Variants in MCU observed in about 807,000 individuals in gnomAD.
MCU encodes the protein mitochondrial calcium uniporter.
In MCU, 12 loss-of-function variants were observed where a neutral mutation model predicts 45.2. The observed-to-expected ratio is 0.27, with a 90% CI of 0.17 to 0.43. The LOEUF is 0.43. Among genes scored for constraint, MCU ranks in the 20% least tolerant of loss-of-function variants. The pLI is 1.00. For missense variants in MCU, 324 were observed against 436.7 expected (o/e 0.74, Z 2.30); for synonymous variants, 160 against 165.1 (o/e 0.97, Z 0.24).
chr10:72,863,467 G>A (rs1472042409), intron 4 of MCU, among the ~76,000 whole-genome samples: 1 of 152,176 alleles, frequency 6.6e-6, no homozygotes, highest in African/African-American at 2.4e-5. Context: ...TCCTTAAATA[G>A]AATGGAAAGA....
At chr10:72,761,628 A>G (rs1177230200) in intron 1 of MCU, among the ~76,000 whole-genome samples, 2 of 152,166 alleles carry the variant, frequency 1.3e-5, no homozygotes, top group Non-Finnish European at 2.9e-5. Flanking sequence ...ATATATGTTG[A>G]TGTAAGACAT....
intron 4 of MCU, chr10:72,861,880 C>T (rs538064959): frequency 7.0e-6 from 2 of 286,950 alleles, no homozygotes; most frequent in Admixed American, 1.0e-4. Flanking sequence ...TAAATAAAGA[C>T]AGAGTCAGTA....
rs562215627 is a variant in MCU at position 72,729,213 on chromosome 10, C to T, written c.150+36912C>T. Among the ~76,000 whole-genome samples the T allele has an allele frequency of 2.0e-5, 3 of 152,210 alleles. No individual in the cohort carries two copies. The South Asian group carries it at 6.2e-4, about 32-fold the overall frequency. On this transcript the variant is annotated intron_variant, in intron 1 of 7. Coordinates refer to ENST00000373053, the MANE Select transcript of MCU (RefSeq NM_138357.3). ...GCTGCGGTGGTTCATGCCTGTAATC[C>T]CAGCACTTTGGGAAGCCAAGGCGGG... is the stretch of plus-strand genomic sequence containing the variant.
chr10:72,812,403 C>T (rs1844558563), intron 1 of MCU, among the ~76,000 whole-genome samples: 1 of 152,212 alleles, frequency 6.6e-6, no homozygotes, highest in South Asian at 2.1e-4. Flanking sequence ...GCCTCGGCTT[C>T]CCAAAGTGCT....
chr10:72,778,166 A>G (rs1308343447), intron 1 of MCU, among the ~76,000 whole-genome samples: 1 of 152,232 alleles, frequency 6.6e-6, no homozygotes, highest in Non-Finnish European at 1.5e-5. Flanking sequence ...CAGCAATTTC[A>G]CTACTGGGTA....
chr10:72,797,938 TA>T (rs1844276621), intron 1 of MCU, among the ~76,000 whole-genome samples: 8 of 152,196 alleles, frequency 5.3e-5, no homozygotes, highest in Admixed American at 3.9e-4. Context: ...TCATACCTCT[TA>T]GGGGGCAGTT....
At chr10:72,696,417 G>A (rs1000562580) in intron 1 of MCU, among the ~76,000 whole-genome samples, 2 of 151,810 alleles carry the variant, frequency 1.3e-5, no homozygotes, top group African/African-American at 4.8e-5. Flanking sequence ...GATACTTTCA[G>A]GGATAATTTC....
At position 72,736,838 on chromosome 10, in the gene MCU, A is replaced by G. The variant is rs115337243; in HGVS notation, c.150+44537A>G. Among the ~76,000 whole-genome samples, 850 of 152,312 alleles carry G rather than the reference A, an allele frequency of 5.6e-3. 7 individuals are homozygous for G. Among genetic ancestry groups the G allele is most frequent in the African/African-American group, 0.019 (796 of 41,556 alleles). Reference sequence around the variant, plus strand: ...CATTTAGCAGTCTAAATGGTGGACAATCTTGGACATTGTTGCGTGCTGTCA... The same window carrying G: ...CATTTAGCAGTCTAAATGGTGGACAGTCTTGGACATTGTTGCGTGCTGTCA... On this transcript the variant is annotated intron_variant, in intron 1 of 7. Transcript: ENST00000373053.
At chr10:72,741,002 TATTTA>T (rs2132696648) in intron 1 of MCU, among the ~76,000 whole-genome samples, 2 of 152,310 alleles carry the variant, frequency 1.3e-5, no homozygotes, top group African/African-American at 4.8e-5. Flanking sequence ...TTTATTTATA[TATTTA>T]ATTGTAAACA....
intron 1 of MCU, among the ~76,000 whole-genome samples, chr10:72,770,355 C>G (rs1843786690): frequency 6.6e-6 from 1 of 151,980 alleles, no homozygotes; most frequent in South Asian, 2.1e-4. Flanking sequence ...TTACTGGGCT[C>G]TAGGGTTTAT....
intron 1 of MCU, chr10:72,692,657 G>A: frequency 1.7e-6 from 2 of 1,170,146 alleles, no homozygotes; most frequent in Non-Finnish European, 2.1e-6. Context: ...CTCCCTGAAC[G>A]GAGCCAGATG....
chr10:72,730,884 A>G (rs1432533868), intron 1 of MCU: 1 of 152,236 alleles, frequency 6.6e-6, no homozygotes, highest in Non-Finnish European at 1.5e-5. Flanking sequence ...CAGCAACAGT[A>G]TGGTTTCTGA....
At position 72,734,133 on chromosome 10, in the gene MCU, C is replaced by T. The variant is rs768985395; in HGVS notation, c.150+41832C>T. 8.6e-5 allele frequency among the ~76,000 whole-genome samples: 13 copies of T among 152,016 alleles called. 1 individual carries two copies. Among genetic ancestry groups the T allele is most frequent in the Non-Finnish European group, 1.2e-4 (8 of 68,002 alleles). On this transcript the variant is annotated intron_variant, in intron 1 of 7. Transcript: ENST00000373053. ...CGTTTGCTCACACCTGTAATTCTAG[C>T]ACTTTGGGAGGCTGAGGCAGGAGGA...
chr10:72,799,357 C>A (rs921493681), intron 1 of MCU, among the ~76,000 whole-genome samples: 1 of 152,166 alleles, frequency 6.6e-6, no homozygotes, highest in Non-Finnish European at 1.5e-5. Context: ...TTAATGATTA[C>A]CTGCTGTGTG....
At chr10:72,811,176 T>C (rs1844538289) in intron 1 of MCU, among the ~76,000 whole-genome samples, 1 of 152,252 alleles carries the variant, frequency 6.6e-6, no homozygotes, top group African/African-American at 2.4e-5. Flanking sequence ...ATTTATAATG[T>C]AGGAAAGATA....
chr10:72,841,430 C>T (rs1252003093), intron 2 of MCU, among the ~76,000 whole-genome samples: 3 of 151,980 alleles, frequency 2.0e-5, no homozygotes, highest in Non-Finnish European at 4.4e-5. Context: ...CCCGAGTAGC[C>T]GGGGTTACAG....
chr10:72,880,546 C>G (rs1157790920), intron 6 of MCU, among the ~76,000 whole-genome samples: 1 of 151,972 alleles, frequency 6.6e-6, no homozygotes, highest in Admixed American at 6.6e-5. Flanking sequence ...AATGTCAGTT[C>G]TACTCAACTG....
intron 1 of MCU, among the ~76,000 whole-genome samples, chr10:72,696,161 C>CAAAAAAAA (rs58694098): frequency 3.3e-5 from 1 of 30,642 alleles, no homozygotes; most frequent in South Asian, 1.6e-3. Flanking sequence ...AACTCCGACT[C>CAAAAAAAA]AAAAAAAAAA....
intron 6 of MCU, among the ~76,000 whole-genome samples, chr10:72,874,080 C>G (rs1331986867): frequency 2.0e-5 from 3 of 152,096 alleles, no homozygotes; most frequent in Non-Finnish European, 2.9e-5. Flanking sequence ...TCTGGCTGTT[C>G]AAGGTTTTTT....
Sources: gnomAD v4.1 joint callset for allele counts (sites outside exome capture counted in the v4.1 genomes callset) on GRCh38, gnomAD v4.1.1 for gene constraint, MANE v1.5 for transcripts, NCBI Gene and HGNC (gene_info 2026-07-23, HGNC 2026-07-21) for gene names.